The following SGCZ variants were observed in gnomAD, a reference collection of about 807,000 sequenced individuals.
The protein encoded by SGCZ is sarcoglycan zeta, also known as zeta-sarcoglycan.
A neutral mutation model predicts 41.3 loss-of-function variants in SGCZ; 40 were observed. The ratio of observed to expected loss-of-function variants is 0.97; its 90% confidence interval spans 0.75 to 1.26. The LOEUF (loss-of-function observed/expected upper bound fraction) is 1.26. SGCZ is among the 50% of genes most tolerant of loss of function. SGCZ has a pLI of 0.00. For missense variants in SGCZ, 552 were observed against 369.8 expected (o/e 1.49, Z -4.04); for synonymous variants, 206 against 137.5 (o/e 1.50, Z -3.49).
chr8:14,859,974 G>A (rs1448078924), intron 1 of SGCZ, among the ~76,000 whole-genome samples: 1 of 152,100 alleles, frequency 6.6e-6, no homozygotes, highest in African/African-American at 2.4e-5. Flanking sequence ...ATTTTTAAAA[G>A]TCAAATTATG....
intron 3 of SGCZ, among the ~76,000 whole-genome samples, chr8:14,248,243 G>A (rs557264474): frequency 5.3e-5 from 8 of 152,204 alleles, no homozygotes; most frequent in African/African-American, 1.9e-4. Flanking sequence ...AGTATTGCAT[G>A]CTTATGGCTT....
intron 1 of SGCZ, among the ~76,000 whole-genome samples, chr8:14,588,524 T>C (rs555088356): frequency 1.2e-4 from 19 of 152,282 alleles, no homozygotes; most frequent in Middle Eastern, 3.4e-3. Flanking sequence ...GAACATTTTA[T>C]GTGATTCAAA....
chr8:14,226,942 T>C (rs149410449), intron 4 of SGCZ, among the ~76,000 whole-genome samples: 1 of 152,152 alleles, frequency 6.6e-6, no homozygotes, highest in South Asian at 2.1e-4. Flanking sequence ...AAAACAGGTA[T>C]GGTCAATTTC....
chr8:15,138,160 G>C (rs1808184198), intron 1 of SGCZ, among the ~76,000 whole-genome samples: 1 of 152,174 alleles, frequency 6.6e-6, no homozygotes, highest in Non-Finnish European at 1.5e-5. Context: ...TTTTGGACTT[G>C]CACGCAGCCT....
chr8:14,093,006 AGTGATC>A (rs2116955761), intron 7 of SGCZ, among the ~76,000 whole-genome samples: 1 of 151,966 alleles, frequency 6.6e-6, no homozygotes, highest in East Asian at 2.0e-4. Context: ...TTTGAGAGAC[AGTGATC>A]GTATGGCTCT....
At chr8:14,660,133 C>T (rs552226549) in intron 1 of SGCZ, among the ~76,000 whole-genome samples, 49 of 152,184 alleles carry the variant, frequency 3.2e-4, no homozygotes, top group African/African-American at 1.1e-3. Flanking sequence ...ACAAGGAAAA[C>T]GAAACATGCA....
At chr8:14,576,426 A>G (rs1804714505) in intron 1 of SGCZ, among the ~76,000 whole-genome samples, 1 of 152,248 alleles carries the variant, frequency 6.6e-6, no homozygotes, top group Admixed American at 6.5e-5. Flanking sequence ...GAGGAGCCAT[A>G]TAGTATAATG....
intron 1 of SGCZ, among the ~76,000 whole-genome samples, chr8:14,886,539 G>C (rs1458678028): frequency 6.6e-6 from 1 of 152,018 alleles, no homozygotes. Flanking sequence ...ATCCTGAAAT[G>C]AGGTGGCTGG....
chr8:14,703,292 G>A (rs1809227662), intron 1 of SGCZ, among the ~76,000 whole-genome samples: 1 of 151,836 alleles, frequency 6.6e-6, no homozygotes, highest in African/African-American at 2.4e-5. Context: ...TGTCTACACT[G>A]ACATCCTGTT....
chr8:14,624,567 T>A (rs200139907), intron 1 of SGCZ, among the ~76,000 whole-genome samples: 5,093 of 64,556 alleles, frequency 0.079, 327 homozygotes, highest in African/African-American at 0.15. Flanking sequence ...TTTTTTTTTT[T>A]TTTTTTTTTT....
chr8:15,026,360 G>A (rs1235321776), intron 1 of SGCZ, among the ~76,000 whole-genome samples: 2 of 152,272 alleles, frequency 1.3e-5, no homozygotes, highest in South Asian at 2.1e-4. Flanking sequence ...TTCCGGAACA[G>A]AAAAGAGTCC....
chr8:15,166,279 G>A (rs183909733), intron 1 of SGCZ, among the ~76,000 whole-genome samples: 3,833 of 141,848 alleles, frequency 0.027, 88 homozygotes, highest in Middle Eastern at 0.075. Flanking sequence ...ACGGAGTCTC[G>A]CTCTGTCGCC....
chr8:14,499,985 T>G lies in SGCZ; in HGVS notation c.234+54747A>C, dbSNP rs1310623234. ...ACCTACTGTCTTACAAAAAAAAACT[T>G]TAAAAAATGAAGGGACATTTAAAAT... On this transcript the variant is annotated intron_variant, in intron 2 of 7. Transcript: ENST00000382080. 2.0e-5 allele frequency among the ~76,000 whole-genome samples: 3 copies of G among 152,038 alleles called. 1 individual carries two copies. Among genetic ancestry groups the G allele is most frequent in the African/African-American group, 7.2e-5 (3 of 41,438 alleles).
At chr8:14,739,677 T>C (rs897828759) in intron 1 of SGCZ, among the ~76,000 whole-genome samples, 1 of 152,038 alleles carries the variant, frequency 6.6e-6, no homozygotes, top group Admixed American at 6.6e-5. Flanking sequence ...CATGAGGTAA[T>C]AAGTAACAAA....
rs181739346 is a variant in SGCZ, at chr8:14,407,614, A to G, written c.235-83410T>C. Among the ~76,000 whole-genome samples, 244 of 152,332 alleles carry G rather than the reference A, an allele frequency of 1.6e-3. 2 individuals are homozygous for G. Among genetic ancestry groups the G allele is most frequent in the African/African-American group, 5.6e-3 (231 of 41,578 alleles). On this transcript the variant is annotated intron_variant, in intron 2 of 7. Transcript: ENST00000382080. ...CAATATAGGTATATGATATAAAAAT[A>G]TAATTCATAACTGTTGTATGCTAAT...
At chr8:14,842,956 T>C (rs1031994459) in intron 1 of SGCZ, among the ~76,000 whole-genome samples, 3 of 152,216 alleles carry the variant, frequency 2.0e-5, no homozygotes, top group African/African-American at 7.2e-5. Flanking sequence ...CTCATGCCTG[T>C]AATCCCAGCA....
At chr8:14,644,967 C>T (rs1377557645) in intron 1 of SGCZ, among the ~76,000 whole-genome samples, 1 of 150,154 alleles carries the variant, frequency 6.7e-6, no homozygotes, top group Non-Finnish European at 1.5e-5. Context: ...AAAAAAGTCT[C>T]CAACGTTACT....
chr8:14,095,363 C>G (rs1306652531), intron 7 of SGCZ, among the ~76,000 whole-genome samples: 2 of 152,166 alleles, frequency 1.3e-5, no homozygotes, highest in African/African-American at 4.8e-5. Context: ...TTTCCCAACA[C>G]CATTTATTAA....
At chr8:15,224,193 C>T (rs545220350) in intron 1 of SGCZ, among the ~76,000 whole-genome samples, 72 of 152,204 alleles carry the variant, frequency 4.7e-4, no homozygotes, top group Admixed American at 7.9e-4. Flanking sequence ...GTAGTTCTTA[C>T]ATAAACTCTA....
Sources: allele counts gnomAD v4.1 joint callset (sites outside exome capture counted in the v4.1 genomes callset), GRCh38; gene constraint gnomAD v4.1.1; transcripts MANE v1.5; gene names NCBI Gene and HGNC (gene_info 2026-07-23, HGNC 2026-07-21).